The following PI4K2A variants were observed in gnomAD, a reference collection of about 807,000 sequenced individuals.
PI4K2A encodes the protein phosphatidylinositol 4-kinase type 2-alpha.
A neutral mutation model predicts 55.0 loss-of-function variants in PI4K2A; 20 were observed. The observed-to-expected ratio is 0.36, with a 90% CI of 0.26 to 0.53. The LOEUF is 0.53. Ranked by LOEUF, PI4K2A falls within the 20% of genes least tolerant of loss-of-function variation. The pLI is 0.91. For synonymous variants in PI4K2A, 235 were observed against 258.5 expected, an observed-to-expected ratio of 0.91 and a Z score of 0.87; for missense variants, 463 against 637.1, an observed-to-expected ratio of 0.73 and a Z score of 2.94.
At chr10:97,653,473 G>C (rs754678741) in intron 2 of PI4K2A, among the ~76,000 whole-genome samples, 4 of 152,226 alleles carry the variant, frequency 2.6e-5, no homozygotes, top group Non-Finnish European at 5.9e-5. Context: ...CCCTCCATAT[G>C]TTAGCCTGTG....
At chr10:97,670,125 C>G (rs143570365) in intron 8 of PI4K2A, among the ~76,000 whole-genome samples, 1,950 of 152,192 alleles carry the variant, frequency 0.013, 43 homozygotes, top group African/African-American at 0.043. Context: ...GTCTCAAACT[C>G]CTGGCCTCAA....
At chr10:97,645,081 AG>A (rs1407819382) in intron 1 of PI4K2A, among the ~76,000 whole-genome samples, 1 of 152,142 alleles carries the variant, frequency 6.6e-6, no homozygotes, top group Non-Finnish European at 1.5e-5. Flanking sequence ...CAACTGCAAA[AG>A]GGTTTTTTGA....
intron 7 of PI4K2A, 24 bp from the exon 8 acceptor site, chr10:97,667,037 T>A (rs1323169748): frequency 6.2e-7 from 1 of 1,604,130 alleles, no homozygotes; most frequent in Non-Finnish European, 8.5e-7. Flanking sequence ...ACAGGTTCCA[T>A]CTCCTTCTGG....
chr10:97,640,707 G>T, exon 1 of PI4K2A: 1 of 1,419,934 alleles, frequency 7.0e-7, no homozygotes, highest in Non-Finnish European at 9.3e-7. Context: ...GCAGTGGTGT[G>T]GAGCGCGCCG....
At chr10:97,667,948 AT>A (rs893130258) in intron 8 of PI4K2A, among the ~76,000 whole-genome samples, 8 of 152,206 alleles carry the variant, frequency 5.3e-5, no homozygotes, top group African/African-American at 1.9e-4. Flanking sequence ...TATGGTTATA[AT>A]TTTGTTGTTA....
chr10:97,651,513 G>A (rs1273927221), intron 2 of PI4K2A, among the ~76,000 whole-genome samples: 2 of 152,168 alleles, frequency 1.3e-5, no homozygotes, highest in Admixed American at 1.3e-4. Context: ...TCTAGGACTG[G>A]CTGATGACAG....
Position 97,666,653 on chromosome 10 carries a change from C to T in PI4K2A, c.1218+82C>T, listed in dbSNP as rs2041610941. The T allele has an allele frequency of 8.6e-6, 11 of 1,276,050 alleles. No homozygotes were observed. In the South Asian group the frequency reaches 1.1e-4, roughly 13 times the overall value. The allele number at this position is 1,276,050 out of a possible 1,614,324, so 79.0% of individuals were successfully genotyped here. On this transcript the variant is annotated intron_variant, in intron 7 of 8. Coordinates refer to ENST00000370631, the Ensembl canonical transcript of PI4K2A. ...TTTTTTAATTGGTCCTGACAAAAGCCAAGAGGAAATGGCTAACACCTTTCT... is the reference window on the plus strand; with the variant it reads ...TTTTTTAATTGGTCCTGACAAAAGCTAAGAGGAAATGGCTAACACCTTTCT...
rs2041628468 is a variant in PI4K2A, at chr10:97,670,199, C to CA, written c.1278+3079_1278+3080insA. On this transcript the variant is annotated intron_variant, in intron 8 of 8. Transcript: ENST00000370631. ...ATAGGCATGTGCCACCACATCCAGC[C>CA]CAACATTTTCAAAGATAGTATTTAT... Among the ~76,000 whole-genome samples, 9 of 152,292 alleles carry CA rather than the reference C, an allele frequency of 5.9e-5. No homozygotes were observed. In the South Asian group the frequency reaches 1.9e-3, roughly 32 times the overall value.
At chr10:97,665,407 T>TG (rs1479491357) in intron 6 of PI4K2A, among the ~76,000 whole-genome samples, 2 of 151,996 alleles carry the variant, frequency 1.3e-5, no homozygotes, top group Non-Finnish European at 2.9e-5. Flanking sequence ...CCCAAGTAGC[T>TG]GGGATTACAG....
intron 7 of PI4K2A, 27 bp from the exon 8 acceptor site, chr10:97,667,034 C>T (rs565205732): frequency 4.4e-6 from 7 of 1,597,138 alleles, no homozygotes; most frequent in African/African-American, 4.0e-5. Context: ...CACACAGGTT[C>T]CATCTCCTTC....
Position 97,656,726 on chromosome 10 carries a change from C to T in PI4K2A, c.769-95C>T. 8.9e-7 allele frequency: 1 copy of T among 1,122,788 alleles called. No individual in the cohort carries two copies. The highest frequency in any genetic ancestry group is 1.4e-5 in the South Asian group (1 of 69,304). The allele number at this position is 1,122,788 out of a possible 1,614,324, so 69.6% of individuals were successfully genotyped here. ...AAAAGTTTTCCTTCTCTGATACAAA[C>T]TCCATAGGGCCTTAATGGGTATCTG... On this transcript the variant is annotated intron_variant, in intron 3 of 8. Transcript: ENST00000370631. This position sits in a 1 kb window ranked among gnomAD's most constrained non-coding sequence, Gnocchi z 4.5.
chr10:97,650,278 C>CTTTTTTT (rs71007356), intron 1 of PI4K2A, among the ~76,000 whole-genome samples: 27,059 of 107,078 alleles, frequency 0.25, 4,695 homozygotes, highest in Non-Finnish European at 0.29. Flanking sequence ...GCTTCTGTAC[C>CTTTTTTT]TTTTTTTTTT....
rs2041610330 is a variant in PI4K2A, at chr10:97,666,587, C to T, written c.1218+16C>T. On this transcript the variant is annotated intron_variant, in intron 7 of 8. Transcript: ENST00000370631. Reference sequence around the variant, plus strand: ...ACTCTTCAAGGTTAGCCCTGGGAACCTCAGCCCTATTATCATATGGGAGAA... The same window carrying T: ...ACTCTTCAAGGTTAGCCCTGGGAACTTCAGCCCTATTATCATATGGGAGAA... 2 of 1,597,864 alleles carry T rather than the reference C, an allele frequency of 1.3e-6. No individual in the cohort carries two copies. Among genetic ancestry groups the T allele is most frequent in the Non-Finnish European group, 1.7e-6 (2 of 1,174,392 alleles).
At chr10:97,671,300 G>A (rs2041634033) in intron 8 of PI4K2A, among the ~76,000 whole-genome samples, 1 of 152,088 alleles carries the variant, frequency 6.6e-6, no homozygotes, top group Non-Finnish European at 1.5e-5. Context: ...ACAAAAGATG[G>A]TGAGGACTGG....
intron 1 of PI4K2A, among the ~76,000 whole-genome samples, chr10:97,645,587 G>A (rs1430758198): frequency 2.1e-5 from 3 of 139,940 alleles, no homozygotes; most frequent in African/African-American, 8.0e-5. Flanking sequence ...CAGCCTGGGC[G>A]AGACAGCAAG....
chr10:97,651,147 T>G lies in PI4K2A; in HGVS notation c.636+6T>G, dbSNP rs947565167. On this transcript the variant is annotated splice_donor_region_variant and intron_variant, in intron 2 of 8. Coordinates refer to ENST00000370631, the Ensembl canonical transcript of PI4K2A. ...ACATTGTTCCCCGTACAAAGGTCAG[T>G]GACCCATCTCCAGGAAGCCTTACTG... 6.2e-7 allele frequency: 1 copy of G among 1,610,110 alleles called. No homozygotes were observed. The highest frequency in any genetic ancestry group is 1.3e-5 in the African/African-American group (1 of 74,842).
chr10:97,647,915 CT>C (rs5787251), intron 1 of PI4K2A, among the ~76,000 whole-genome samples: 7 of 149,216 alleles, frequency 4.7e-5, no homozygotes, highest in Non-Finnish European at 8.9e-5. Flanking sequence ...GTTCTGCTTG[CT>C]TTTTTTTTGT....
rs772716504 is a variant in PI4K2A, at chr10:97,640,714, G to C, written c.-29G>C. ...CCGCGAGCGCAGTGGTGTGGAGCGC[G>C]CCGGGTCCCGGAGCCGGCTGTCTGA... is the stretch of plus-strand genomic sequence containing the variant. On this transcript the variant is annotated 5_prime_UTR_variant, in exon 1 of 9. Coordinates refer to ENST00000370631, the Ensembl canonical transcript of PI4K2A. 2.3e-4 allele frequency: 333 copies of C among 1,439,176 alleles called. 3 individuals carry two copies. In the South Asian group the frequency reaches 4.5e-3, roughly 19 times the overall value. The allele number at this position is 1,439,176 out of a possible 1,614,324, so 89.2% of individuals were successfully genotyped here. A position where few individuals can be genotyped will look rare whatever the true frequency, so the allele number is the denominator to read the frequency against.
chr10:97,674,916 A>AGAG (rs77697990), exon 9 of PI4K2A: 25,272 of 152,298 alleles, frequency 0.17, 2,303 homozygotes, highest in Non-Finnish European at 0.21. Context: ...CCCAAAGGAG[A>AGAG]GAGGCCTTCA....
Sources: allele counts gnomAD v4.1 joint callset (sites outside exome capture counted in the v4.1 genomes callset), GRCh38; gene constraint gnomAD v4.1.1; non-coding constraint Gnocchi (gnomAD v3.1); transcripts MANE v1.5; gene names NCBI Gene and HGNC (gene_info 2026-07-23, HGNC 2026-07-21).